The following PLA2R1 variants were observed in gnomAD, a reference collection of about 807,000 sequenced individuals.
PLA2R1 encodes phospholipase A2 receptor 1, also known as secretory phospholipase A2 receptor.
In PLA2R1, 158 loss-of-function variants were observed where a neutral mutation model predicts 195.9. The ratio of observed to expected loss-of-function variants is 0.81; its 90% CI spans 0.71 to 0.92. PLA2R1 has a LOEUF of 0.92. Ranked by LOEUF, PLA2R1 falls within the 40% of genes least tolerant of loss-of-function variation. The pLI, the probability that PLA2R1 is intolerant of heterozygous loss-of-function variation, is 0.00. For missense variants in PLA2R1, 1,626 were observed against 1,764.6 expected (o/e 0.92, Z 1.41); for synonymous variants, 586 against 598.2 (o/e 0.98, Z 0.30).
chr2:159,960,966 C>CA (rs1560149349), intron 20 of PLA2R1, among the ~76,000 whole-genome samples: 2 of 152,242 alleles, frequency 1.3e-5, no homozygotes, highest in East Asian at 3.9e-4. Context: ...TGTTATCTCC[C>CA]AGTTTTCCTT....
At chr2:159,981,587 T>C (rs1423238495) in intron 13 of PLA2R1, among the ~76,000 whole-genome samples, 1 of 152,100 alleles carries the variant, frequency 6.6e-6, no homozygotes, top group African/African-American at 2.4e-5. Context: ...TTTGTACTTT[T>C]TGGTAGAGAT....
chr2:160,001,297 T>C (rs769932303), intron 11 of PLA2R1, among the ~76,000 whole-genome samples: 2 of 151,736 alleles, frequency 1.3e-5, no homozygotes, highest in East Asian at 1.9e-4. Flanking sequence ...AATAAAAAAA[T>C]AGATTTAGAT....
chr2:160,032,873 G>T, intron 4 of PLA2R1, 86 bp downstream of exon 4: 1 of 1,046,170 alleles, frequency 9.6e-7, no homozygotes, highest in Non-Finnish European at 1.4e-6. Context: ...AGAACTTTTT[G>T]TCAGAATATA....
chr2:160,062,227 C>T (rs1313690774), intron 1 of PLA2R1, 68 bp downstream of exon 1: 3 of 1,241,844 alleles, frequency 2.4e-6, no homozygotes, highest in East Asian at 3.0e-5. Flanking sequence ...CCCCTTCTTC[C>T]TCTCCTTCGA....
At chr2:159,967,757 T>C (rs1688884339) in intron 19 of PLA2R1, 79 bp from the exon 20 acceptor site, 2 of 1,179,438 alleles carry the variant, frequency 1.7e-6, no homozygotes, top group Non-Finnish European at 2.4e-6. Flanking sequence ...TCACTATTTT[T>C]ATGAGGCTAT....
In PLA2R1 at chr2:159,955,144, A is replaced by G. The variant is rs139285427; in HGVS notation, c.3301+55T>C. On this transcript the variant is annotated intron_variant, in intron 23 of 29. Transcript: ENST00000283243. ...TACACAGCTGTGTAAAACCAACATG[A>G]AAGAGAAGGATGGACTTTGGAAATG... 20 of 1,399,258 alleles carry G rather than the reference A, an allele frequency of 1.4e-5. No individual in the cohort carries two copies. The African/African-American group carries it at 2.6e-4, about 18-fold the overall frequency. 86.7% of individuals were successfully genotyped at this position (1,399,258 alleles called of 1,614,324 possible). A position where few individuals can be genotyped will look rare whatever the true frequency, so the allele number is the denominator to read the frequency against.
chr2:160,058,153 G>C lies in PLA2R1; in HGVS notation c.109+4142C>G, dbSNP rs141816595. The stretch of plus-strand genomic sequence containing the variant: ...TGCACCCTAAGGAAAACATGTCTCA[G>C]GAATTGCTTTTGGATGAACCCAACT... On this transcript the variant is annotated intron_variant, in intron 1 of 29. Transcript: ENST00000283243. Among the ~76,000 whole-genome samples the C allele has an allele frequency of 2.1e-3, 320 of 152,066 alleles. 2 individuals are homozygous for C. In the Middle Eastern group the frequency reaches 0.056, roughly 26 times the overall value.
chr2:160,056,804 C>A (rs1481766800), intron 1 of PLA2R1, among the ~76,000 whole-genome samples: 1 of 152,174 alleles, frequency 6.6e-6, no homozygotes, highest in African/African-American at 2.4e-5. Flanking sequence ...CAATCTGGTT[C>A]CCCTTTGTGC....
chr2:159,969,489 G>A (rs1221164378), intron 18 of PLA2R1, 130 bp from the exon 19 acceptor site: 1 of 552,590 alleles, frequency 1.8e-6, no homozygotes, highest in East Asian at 3.0e-5. Context: ...ATACTCATAT[G>A]TAGCATAGTA....
intron 17 of PLA2R1, among the ~76,000 whole-genome samples, chr2:159,975,792 A>C (rs187741512): frequency 8.6e-4 from 131 of 152,252 alleles, no homozygotes; most frequent in African/African-American, 3.0e-3. Context: ...AACCTCATGA[A>C]ACAATCTCGA....
rs749511002 is a variant in PLA2R1 at position 159,967,609 on chromosome 2, A to G, written c.2834T>C (p.Ile945Thr). The change falls in exon 20 of 30, where the codon ATA becomes ACA. Residue 945 changes from isoleucine to threonine, a missense_variant. Ile to Thr is a moderately conservative substitution (Grantham distance 89). Coordinates refer to ENST00000283243, the MANE Select transcript of PLA2R1 (RefSeq NM_007366.5). Reference sequence around the variant, plus strand: ...TTTTGGTGTATCTTTCTTTTTCTCTATGAGCCAAACCTTTTTTCGCTTACA... The same window carrying G: ...TTTTGGTGTATCTTTCTTTTTCTCTGTGAGCCAAACCTTTTTTCGCTTACA... ...SICKRKKVWL[I>T]EKKKDTPKQH... The G allele has an allele frequency of 6.8e-6, 11 of 1,613,556 alleles. No homozygotes were observed. The highest frequency in any genetic ancestry group is 2.2e-5 in the South Asian group (2 of 91,084).
chr2:159,944,892 C>CT lies in PLA2R1; in HGVS notation c.4144+13dup, dbSNP rs1203668366. ...TAGAATCAAAATGAAGAATTACTCT[C>CT]TGACTTTACCTACCTGCCTCCATTT... On this transcript the variant is annotated intron_variant, in intron 28 of 29. Transcript: ENST00000283243. 1 of 1,596,288 alleles carries CT rather than the reference C, an allele frequency of 6.3e-7. No individual in the cohort carries two copies. The highest frequency in any genetic ancestry group is 1.7e-5 in the Admixed American group (1 of 59,830).
At chr2:160,034,961 T>C (rs1333623699) in intron 3 of PLA2R1, among the ~76,000 whole-genome samples, 2 of 152,184 alleles carry the variant, frequency 1.3e-5, no homozygotes, top group African/African-American at 2.4e-5. Context: ...TGGGTTTTGG[T>C]CAATACTTTG....
chr2:159,981,216 CGTGTGT>C (rs3061613), intron 13 of PLA2R1, among the ~76,000 whole-genome samples: 49 of 148,196 alleles, frequency 3.3e-4, no homozygotes, highest in East Asian at 7.9e-4. Flanking sequence ...TATGTGCATA[CGTGTGT>C]GTGTGTGTGT....
At chr2:160,000,459 A>G (rs932908626) in intron 11 of PLA2R1, among the ~76,000 whole-genome samples, 1 of 152,184 alleles carries the variant, frequency 6.6e-6, no homozygotes, top group Non-Finnish European at 1.5e-5. Flanking sequence ...AGTGGTGGAA[A>G]CAAATGCTAA....
the PLA2R1 span, among the ~76,000 whole-genome samples, chr2:159,925,862 G>A: frequency 6.6e-6 from 1 of 152,138 alleles, no homozygotes; most frequent in African/African-American, 2.4e-5. Context: ...TTTAGTGCTT[G>A]TCTCTCCCTT....
chr2:159,927,247 C>T (rs957516407), downstream of PLA2R1, among the ~76,000 whole-genome samples: 5 of 152,172 alleles, frequency 3.3e-5, no homozygotes, highest in African/African-American at 9.7e-5. Flanking sequence ...TTCCCTTTTT[C>T]TACTTTCCAG....
chr2:160,042,794 T>C (rs1159269918), intron 2 of PLA2R1, among the ~76,000 whole-genome samples: 4 of 72,070 alleles, frequency 5.6e-5, no homozygotes, highest in Admixed American at 1.7e-4. Context: ...GTGGGGTGTG[T>C]GTGTGCGTGT....
chr2:160,057,920 G>A (rs1695674366), intron 1 of PLA2R1, among the ~76,000 whole-genome samples: 1 of 152,196 alleles, frequency 6.6e-6, no homozygotes, highest in Non-Finnish European at 1.5e-5. Context: ...CCCCAGGAGT[G>A]ACCTTAGTCA....
Sources: allele counts gnomAD v4.1 joint callset (sites outside exome capture counted in the v4.1 genomes callset), GRCh38; gene constraint gnomAD v4.1.1; transcripts MANE v1.5; gene names NCBI Gene and HGNC (gene_info 2026-07-23, HGNC 2026-07-21).